Variants in PGS1 observed in about 807,000 individuals in gnomAD.
PGS1 encodes phosphatidylglycerophosphate synthase 1.
In PGS1, 44 loss-of-function variants were observed where a neutral mutation model predicts 58.3. The observed-to-expected ratio is 0.75, with a 90% CI of 0.59 to 0.97. The LOEUF (loss-of-function observed/expected upper bound fraction) is 0.97. Ranked by LOEUF, PGS1 falls within the 50% of genes least tolerant of loss-of-function variation. PGS1 has a pLI of 0.00. For synonymous variants in PGS1, 330 were observed against 311.0 expected, an observed-to-expected ratio of 1.06 and a Z score of -0.64; for missense variants, 684 against 731.1, an observed-to-expected ratio of 0.94 and a Z score of 0.74.
intron 1 of PGS1, among the ~76,000 whole-genome samples, chr17:78,384,158 AG>A (rs1245458648): frequency 6.6e-6 from 1 of 152,202 alleles, no homozygotes; most frequent in Non-Finnish European, 1.5e-5. Context: ...GGCTAAGCCA[AG>A]GGGAGAGTCA....
At chr17:78,420,361 AG>A (rs2085606115) in intron 9 of PGS1, 1 of 372,066 alleles carries the variant, frequency 2.7e-6, no homozygotes, top group Non-Finnish European at 3.7e-6. Flanking sequence ...AGGTCCGGGC[AG>A]GGGGTGGCTG....
At chr17:78,419,749 T>C in intron 9 of PGS1, 74 bp downstream of exon 9, 3 of 1,591,558 alleles carry the variant, frequency 1.9e-6, no homozygotes, top group Non-Finnish European at 1.7e-6. Flanking sequence ...TTGTTCTGAC[T>C]CAACCAGAGC....
At chr17:78,413,561 G>C (rs988870611) in intron 7 of PGS1, among the ~76,000 whole-genome samples, 1 of 152,058 alleles carries the variant, frequency 6.6e-6, no homozygotes, top group Non-Finnish European at 1.5e-5. Flanking sequence ...CCTCACACCT[G>C]CTCACTCTCA....
intron 1 of PGS1, among the ~76,000 whole-genome samples, chr17:78,389,291 T>C (rs1389603422): frequency 2.7e-5 from 4 of 150,900 alleles, no homozygotes; most frequent in Non-Finnish European, 5.9e-5. Context: ...GTTCGAGTGA[T>C]TCTTCTGCCT....
intron 3 of PGS1, among the ~76,000 whole-genome samples, chr17:78,397,319 C>T (rs2083298485): frequency 6.6e-6 from 1 of 152,202 alleles, no homozygotes; most frequent in Non-Finnish European, 1.5e-5. Flanking sequence ...GAGTTAGTGC[C>T]GTTTCTTGGT....
intron 1 of PGS1, among the ~76,000 whole-genome samples, chr17:78,379,498 G>T (rs1325639067): frequency 6.6e-6 from 1 of 152,126 alleles, no homozygotes; most frequent in South Asian, 2.1e-4. Flanking sequence ...AGAACATGCT[G>T]ACCTGAGGCT....
At chr17:78,397,816 G>A (rs981525669) in intron 3 of PGS1, among the ~76,000 whole-genome samples, 9 of 152,214 alleles carry the variant, frequency 5.9e-5, no homozygotes, top group African/African-American at 1.7e-4. Context: ...TGGAATGTCC[G>A]CACTGCGGAG....
intron 9 of PGS1, chr17:78,423,751 C>CT: frequency 1.0e-6 from 1 of 990,838 alleles, no homozygotes; most frequent in Non-Finnish European, 1.5e-6. Context: ...AACCTCCACC[C>CT]TCTGGTTCCG....
chr17:78,409,389 C>CT (rs2084432280), intron 7 of PGS1, among the ~76,000 whole-genome samples: 1 of 152,250 alleles, frequency 6.6e-6, no homozygotes, highest in South Asian at 2.1e-4. Flanking sequence ...ACAGGGAAAT[C>CT]TGTTAATGGT....
chr17:78,414,280 T>G (rs575411855), intron 7 of PGS1, among the ~76,000 whole-genome samples: 19 of 152,330 alleles, frequency 1.2e-4, no homozygotes, highest in African/African-American at 4.6e-4. Flanking sequence ...CCAGCCACTT[T>G]TGCCACCCCG....
Position 78,403,878 on chromosome 17 carries a change from C to T in PGS1, c.1191C>T (p.Asp397=). The change falls in exon 7 of 10, where the codon GAC becomes GAT. Residue 397 remains aspartate, a synonymous_variant. Coordinates refer to ENST00000262764, the MANE Select transcript of PGS1 (RefSeq NM_024419.5). Reference sequence around the variant, plus strand: ...TCAACCTGACCCAGGCCTACATGGACCTGGTCTTGGGCACTCGGGCTGAGT... The same window carrying T: ...TCAACCTGACCCAGGCCTACATGGATCTGGTCTTGGGCACTCGGGCTGAGT... The part of the protein sequence containing the change: ...GYFNLTQAYM[D]LVLGTRAEYQ... 6.2e-7 allele frequency: 1 copy of T among 1,614,200 alleles called. No homozygotes were observed. The highest frequency in any genetic ancestry group is 8.5e-7 in the Non-Finnish European group (1 of 1,179,990).
At chr17:78,415,710 A>G (rs569158718) in intron 8 of PGS1, among the ~76,000 whole-genome samples, 3 of 152,332 alleles carry the variant, frequency 2.0e-5, no homozygotes, top group Non-Finnish European at 4.4e-5. Flanking sequence ...GGGAGATAAA[A>G]GAAGGTTACC....
intron 4 of PGS1, 79 bp downstream of exon 4, chr17:78,398,430 C>A: frequency 1.1e-6 from 1 of 945,590 alleles, no homozygotes; most frequent in Non-Finnish European, 1.7e-6. Context: ...GTCACCCCCT[C>A]ATCCCCAGGC....
chr17:78,396,847 C>G (rs1041038262), intron 3 of PGS1, among the ~76,000 whole-genome samples: 7 of 152,246 alleles, frequency 4.6e-5, no homozygotes, highest in African/African-American at 1.7e-4. Context: ...CACAGCCACA[C>G]TCATTCATTT....
chr17:78,383,535 T>C (rs1371599462), intron 1 of PGS1, among the ~76,000 whole-genome samples: 2 of 152,242 alleles, frequency 1.3e-5, no homozygotes, highest in Non-Finnish European at 2.9e-5. Flanking sequence ...CTAGACTTTC[T>C]TACATTGTAG....
chr17:78,423,086 G>GA (rs1355163264), intron 9 of PGS1, among the ~76,000 whole-genome samples: 1 of 126,616 alleles, frequency 7.9e-6, no homozygotes, highest in African/African-American at 2.8e-5. Flanking sequence ...CGACAAGAGT[G>GA]AAACTCTCAC....
rs562739730 is a variant in PGS1 at position 78,395,624 on chromosome 17, G to A, written c.334-684G>A. On this transcript the variant is annotated intron_variant, in intron 2 of 9. Transcript: ENST00000262764. Reference sequence around the variant, plus strand: ...CCCCCTGGCTGTTAGGACTGATTTGGGGTATCATCTTGGGGCACTGATGTG... The same window carrying A: ...CCCCCTGGCTGTTAGGACTGATTTGAGGTATCATCTTGGGGCACTGATGTG... Among the ~76,000 whole-genome samples the A allele has an allele frequency of 1.4e-3, 207 of 152,272 alleles. 1 individual carries two copies. The highest frequency in any genetic ancestry group is 5.4e-3 in the Admixed American group (82 of 15,302).
chr17:78,396,919 C>T (rs1598296498), intron 3 of PGS1, among the ~76,000 whole-genome samples: 1 of 152,194 alleles, frequency 6.6e-6, no homozygotes, highest in Non-Finnish European at 1.5e-5. Context: ...TGACAGTGCC[C>T]ATTTGGCCCG....
chr17:78,400,973 A>AT lies in PGS1; in HGVS notation c.880+120dup. ...TAGGGGACTTGGGTGGCAAGGCTTC[A>AT]TTCTGCTTTTGTCCTTGAAGCCAGA... On this transcript the variant is annotated intron_variant, in intron 6 of 9. Transcript: ENST00000262764. This position sits in a 1 kb window ranked among gnomAD's most constrained non-coding sequence, Gnocchi z 4.4. 1 of 849,394 alleles carries AT rather than the reference A, an allele frequency of 1.2e-6. No individual in the cohort carries two copies. Among genetic ancestry groups the AT allele is most frequent in the Admixed American group, 3.0e-5 (1 of 33,798 alleles). The allele number at this position is 849,394 out of a possible 1,614,324, so 52.6% of individuals were successfully genotyped here.
Sources: allele counts gnomAD v4.1 joint callset (sites outside exome capture counted in the v4.1 genomes callset), GRCh38; gene constraint gnomAD v4.1.1; non-coding constraint Gnocchi (gnomAD v3.1); transcripts MANE v1.5; gene names NCBI Gene and HGNC (gene_info 2026-07-23, HGNC 2026-07-21).